The following OTUD7A variants were observed in gnomAD, a reference collection of about 807,000 sequenced individuals.
OTUD7A encodes the protein OTU domain-containing protein 7A.
Under a neutral mutation model 65.7 loss-of-function variants are expected in OTUD7A, and 12 were observed. The observed-to-expected ratio is 0.18, with a 90% CI of 0.12 to 0.30. The LOEUF is 0.30. Ranked by LOEUF, OTUD7A falls within the 10% of genes least tolerant of loss-of-function variation. OTUD7A has a pLI of 1.00. For missense variants in OTUD7A, 1,148 were observed against 1,304.8 expected, an observed-to-expected ratio of 0.88 and a Z score of 1.85; for synonymous variants, 641 against 586.3, an observed-to-expected ratio of 1.09 and a Z score of -1.35.
intron 1 of OTUD7A, among the ~76,000 whole-genome samples, chr15:31,667,714 G>C (rs1892359587): frequency 6.6e-6 from 1 of 151,872 alleles, no homozygotes; most frequent in South Asian, 2.1e-4. Context: ...TTTTGTTTTT[G>C]CTTTTTAACT....
At chr15:31,774,148 A>G (rs1895309694) in intron 1 of OTUD7A, among the ~76,000 whole-genome samples, 1 of 152,198 alleles carries the variant, frequency 6.6e-6, no homozygotes. Flanking sequence ...AGCTCCATGG[A>G]AATGCATTCT....
chr15:31,679,744 C>T (rs1892670836), intron 1 of OTUD7A, among the ~76,000 whole-genome samples: 1 of 152,182 alleles, frequency 6.6e-6, no homozygotes, highest in East Asian at 1.9e-4. Context: ...ATAAATTACC[C>T]AATCTTGGGC....
chr15:31,800,119 C>G (rs1595778190), intron 1 of OTUD7A, among the ~76,000 whole-genome samples: 1 of 152,110 alleles, frequency 6.6e-6, no homozygotes, highest in East Asian at 1.9e-4. Flanking sequence ...CATTTGTGGC[C>G]AGATGATTAT....
chr15:31,798,026 G>A (rs1896018064), intron 1 of OTUD7A, among the ~76,000 whole-genome samples: 1 of 152,120 alleles, frequency 6.6e-6, no homozygotes, highest in Admixed American at 6.5e-5. Flanking sequence ...CATGGGCATT[G>A]CTCTGTGTGT....
At chr15:31,590,281 T>C (rs1889680457) in intron 3 of OTUD7A, among the ~76,000 whole-genome samples, 1 of 152,256 alleles carries the variant, frequency 6.6e-6, no homozygotes, top group Non-Finnish European at 1.5e-5. Context: ...GGCTATGCCA[T>C]CTACTTCATG....
intron 1 of OTUD7A, among the ~76,000 whole-genome samples, chr15:31,823,315 T>C (rs1317806290): frequency 6.6e-6 from 1 of 152,156 alleles, no homozygotes; most frequent in African/African-American, 2.4e-5. Context: ...ATGAGTGTCT[T>C]TGCTCCATCC....
chr15:31,828,339 A>T (rs538308782), intron 1 of OTUD7A, among the ~76,000 whole-genome samples: 3 of 151,890 alleles, frequency 2.0e-5, no homozygotes, highest in African/African-American at 7.3e-5. Context: ...CTTTTAATGG[A>T]CACATAACTG....
At chr15:31,778,546 C>T (rs555214096) in intron 1 of OTUD7A, among the ~76,000 whole-genome samples, 1 of 152,314 alleles carries the variant, frequency 6.6e-6, no homozygotes, top group East Asian at 1.9e-4. Flanking sequence ...CTCTGTCCCT[C>T]GTGAGGCAGC....
intron 5 of OTUD7A, among the ~76,000 whole-genome samples, chr15:31,546,873 C>T (rs1159545880): frequency 6.6e-6 from 1 of 152,162 alleles, no homozygotes; most frequent in African/African-American, 2.4e-5. Context: ...AGAACTTAAC[C>T]CATTCATGAT....
chr15:31,583,054 T>G (rs1193983315), intron 3 of OTUD7A, among the ~76,000 whole-genome samples: 4 of 152,210 alleles, frequency 2.6e-5, no homozygotes, highest in African/African-American at 4.8e-5. Context: ...GAAAGTGTGT[T>G]CAATGCAACC....
At chr15:31,559,513 C>T (rs1888617282) in intron 4 of OTUD7A, among the ~76,000 whole-genome samples, 1 of 152,230 alleles carries the variant, frequency 6.6e-6, no homozygotes, top group East Asian at 1.9e-4. Context: ...CACATAAATG[C>T]TCACACATGA....
chr15:31,787,807 C>G (rs1211413874), intron 1 of OTUD7A: 1 of 152,170 alleles, frequency 6.6e-6, no homozygotes, highest in East Asian at 1.9e-4. Flanking sequence ...ACAGGAAGTT[C>G]TTTAGGCAAC....
intron 1 of OTUD7A, among the ~76,000 whole-genome samples, chr15:31,748,323 T>C (rs1009847544): frequency 2.0e-4 from 30 of 151,774 alleles, no homozygotes; most frequent in Admixed American, 1.1e-3. Flanking sequence ...AACTCCACGA[T>C]GATATACACA....
At chr15:31,626,292 C>T (rs11071236) in intron 3 of OTUD7A, among the ~76,000 whole-genome samples, 50,596 of 151,848 alleles carry the variant, frequency 0.33, 11,171 homozygotes, top group African/African-American at 0.63. Flanking sequence ...TTGAAATATA[C>T]AAAAAATTAG....
At chr15:31,531,274 A>G in intron 5 of OTUD7A, among the ~76,000 whole-genome samples, 1 of 152,070 alleles carries the variant, frequency 6.6e-6, no homozygotes, top group South Asian at 2.1e-4. Flanking sequence ...ACATTTAGAG[A>G]CTTCCACTTC....
At chr15:31,670,367 C>T (rs1892449748) in intron 1 of OTUD7A, among the ~76,000 whole-genome samples, 2 of 152,222 alleles carry the variant, frequency 1.3e-5, no homozygotes, top group Non-Finnish European at 2.9e-5. Context: ...CTGTTTTCCA[C>T]AATGGTTGAA....
intron 3 of OTUD7A, among the ~76,000 whole-genome samples, chr15:31,621,364 G>A (rs1411678287): frequency 6.6e-6 from 1 of 152,112 alleles, no homozygotes; most frequent in Non-Finnish European, 1.5e-5. Context: ...GTTGACAGTG[G>A]GGTGTTAAAG....
At chr15:31,686,850 T>C (rs1219664013) in intron 1 of OTUD7A, among the ~76,000 whole-genome samples, 13 of 152,162 alleles carry the variant, frequency 8.5e-5, no homozygotes. Flanking sequence ...GAGCACCAGC[T>C]CTCATCTGCT....
chr15:31,514,230 T>C (rs1306160731), intron 8 of OTUD7A, among the ~76,000 whole-genome samples: 2 of 151,946 alleles, frequency 1.3e-5, no homozygotes, highest in Non-Finnish European at 2.9e-5. Context: ...TTTTTCATTT[T>C]TGTAGAGACG....
Sources: gnomAD v4.1 joint callset for allele counts (sites outside exome capture counted in the v4.1 genomes callset) on GRCh38, gnomAD v4.1.1 for gene constraint, MANE v1.5 for transcripts, NCBI Gene and HGNC (gene_info 2026-07-23, HGNC 2026-07-21) for gene names.